The following DLG2 variants were observed in gnomAD, a reference collection of about 807,000 sequenced individuals.
DLG2 encodes the protein discs large MAGUK scaffold protein 2, also known as disks large homolog 2.
A neutral mutation model predicts 132.5 loss-of-function variants in DLG2; 45 were observed. The observed-to-expected ratio is 0.34, with a 90% CI of 0.27 to 0.44. The LOEUF (loss-of-function observed/expected upper bound fraction) is 0.44, where lower values mean the gene tolerates loss of function less well. DLG2 is among the 20% of genes least tolerant of loss of function. The probability of loss-of-function intolerance (pLI) is 1.00; values close to 1 mark genes in which losing one functional copy is unlikely to be tolerated. For missense variants in DLG2, 1,045 were observed against 1,196.9 expected (o/e 0.87, Z 1.87); for synonymous variants, 424 against 419.6 (o/e 1.01, Z -0.13).
At chr11:84,442,126 T>A (rs907235442) in intron 7 of DLG2, among the ~76,000 whole-genome samples, 23 of 152,198 alleles carry the variant, frequency 1.5e-4, no homozygotes, top group Non-Finnish European at 2.2e-4. Context: ...TATATGAAAT[T>A]TAAAGTAGTT....
At chr11:83,709,965 G>A (rs1461304619) in intron 18 of DLG2, among the ~76,000 whole-genome samples, 1 of 152,120 alleles carries the variant, frequency 6.6e-6, no homozygotes, top group African/African-American at 2.4e-5. Flanking sequence ...CACTGGATAG[G>A]TGTGTCTCAC....
intron 19 of DLG2, among the ~76,000 whole-genome samples, chr11:83,624,274 G>C (rs1430426927): frequency 6.6e-6 from 1 of 152,168 alleles, no homozygotes; most frequent in Non-Finnish European, 1.5e-5. Context: ...CAATGGAAGA[G>C]TCACTTATGA....
At chr11:85,475,889 G>C (rs1482487379) in intron 3 of DLG2, among the ~76,000 whole-genome samples, 1 of 152,006 alleles carries the variant, frequency 6.6e-6, no homozygotes, top group Admixed American at 6.5e-5. Context: ...TCTTTCTCAA[G>C]TCCCAGTTGC....
intron 8 of DLG2, among the ~76,000 whole-genome samples, chr11:84,247,072 T>C (rs1598315159): frequency 6.6e-6 from 1 of 152,132 alleles, no homozygotes; most frequent in Non-Finnish European, 1.5e-5. Flanking sequence ...CTCTCAACAG[T>C]GCATTTCTAT....
chr11:84,364,753 C>T (rs1315975385), intron 7 of DLG2, among the ~76,000 whole-genome samples: 1 of 152,130 alleles, frequency 6.6e-6, no homozygotes, highest in East Asian at 1.9e-4. Context: ...GCCTTTTCTG[C>T]ATCTATTGAG....
chr11:84,044,993 G>A (rs1398509152), intron 11 of DLG2, among the ~76,000 whole-genome samples: 1 of 151,638 alleles, frequency 6.6e-6, no homozygotes, highest in Non-Finnish European at 1.5e-5. Context: ...TGTCACTGTA[G>A]GCAAAATTTT....
chr11:85,579,639 G>C lies in DLG2; in HGVS notation c.40+19018C>G, dbSNP rs79029464. ...TGAAGGACACAAAAGCATGATATGG[G>C]GTAGCTTCAGGAGAAAATAGGAGAT... is the stretch of plus-strand genomic sequence containing the variant. On this transcript the variant is annotated intron_variant, in intron 3 of 27. Transcript: ENST00000376104. Among the ~76,000 whole-genome samples, 241 of 152,216 alleles carry C rather than the reference G, an allele frequency of 1.6e-3. 3 individuals are homozygous for C. The East Asian group carries it at 0.039, about 25-fold the overall frequency.
At chr11:83,520,604 AAGAC>A (rs754537016) in intron 21 of DLG2, among the ~76,000 whole-genome samples, 36 of 143,874 alleles carry the variant, frequency 2.5e-4, no homozygotes, top group East Asian at 4.2e-4. Context: ...GATAGATAGA[AAGAC>A]AGACAGACAG....
chr11:85,224,653 T>C (rs920541491), intron 4 of DLG2, among the ~76,000 whole-genome samples: 2 of 152,232 alleles, frequency 1.3e-5, no homozygotes, highest in Non-Finnish European at 2.9e-5. Flanking sequence ...GGGTTATGAA[T>C]GATTTATATT....
chr11:85,516,245 G>A (rs1242041569), intron 3 of DLG2, among the ~76,000 whole-genome samples: 1 of 151,794 alleles, frequency 6.6e-6, no homozygotes, highest in Non-Finnish European at 1.5e-5. Flanking sequence ...AAAAACTTTT[G>A]GAAATGAATA....
At chr11:84,124,588 C>T (rs2094078232) in intron 9 of DLG2, among the ~76,000 whole-genome samples, 2 of 152,180 alleles carry the variant, frequency 1.3e-5, no homozygotes, top group African/African-American at 4.8e-5. Flanking sequence ...AAGGATCTCT[C>T]TCCTTCCCAT....
chr11:83,784,500 A>T (rs1397410914), intron 18 of DLG2, among the ~76,000 whole-genome samples: 1 of 152,170 alleles, frequency 6.6e-6, no homozygotes, highest in Non-Finnish European at 1.5e-5. Context: ...CTGTGAATCC[A>T]ATCTGTACTT....
intron 15 of DLG2, among the ~76,000 whole-genome samples, chr11:83,881,249 G>A (rs772252482): frequency 5.3e-5 from 8 of 152,046 alleles, no homozygotes; most frequent in Non-Finnish European, 1.0e-4. Flanking sequence ...GAATTTTATT[G>A]CTAAGCTTAG....
At chr11:84,313,685 G>GAAAGAAAGAAAGAA (rs2098325562) in intron 7 of DLG2, among the ~76,000 whole-genome samples, 1 of 145,364 alleles carries the variant, frequency 6.9e-6, no homozygotes, top group Non-Finnish European at 1.5e-5. Context: ...AAGAAAGAAA[G>GAAAGAAAGAAAGAA]AAAAAGAAAG....
chr11:84,405,148 A>T (rs545529467), intron 7 of DLG2, among the ~76,000 whole-genome samples: 10 of 152,344 alleles, frequency 6.6e-5, no homozygotes, highest in African/African-American at 2.4e-4. Context: ...GGAAAAAAGA[A>T]ACAATTGTTT....
At position 84,005,904 on chromosome 11, in the gene DLG2, T is replaced by C. The variant is rs538527420; in HGVS notation, c.920-25262A>G. ...AAAATAGTGCAGCCATTTGCCACTA[T>C]GGACAATAGTATGGTGATTTCTCAA... On this transcript the variant is annotated intron_variant, in intron 11 of 27. Coordinates refer to ENST00000376104, the MANE Select transcript of DLG2 (RefSeq NM_001142699.3). 2.0e-5 allele frequency among the ~76,000 whole-genome samples: 3 copies of C among 151,974 alleles called. No individual in the cohort carries two copies. The East Asian group carries it at 5.8e-4, about 29-fold the overall frequency.
intron 11 of DLG2, among the ~76,000 whole-genome samples, chr11:83,989,185 T>C (rs76760016): frequency 0.035 from 5,369 of 152,188 alleles, 120 homozygotes; most frequent in Non-Finnish European, 0.054. Context: ...AGTAACTGTA[T>C]AAGGCATCAC....
rs988846097 is a variant in DLG2, at chr11:84,997,015, G to T, written c.357+114646C>A. ...TGGTCATGCAGTAGTGCTGAGAAGGGGTAGTGAGAGTAGTAAAACAACCCT... is the reference window on the plus strand; with the variant it reads ...TGGTCATGCAGTAGTGCTGAGAAGGTGTAGTGAGAGTAGTAAAACAACCCT... On this transcript the variant is annotated intron_variant, in intron 6 of 27. Transcript: ENST00000376104. Among the ~76,000 whole-genome samples, 6 of 152,102 alleles carry T rather than the reference G, an allele frequency of 3.9e-5. No individual in the cohort carries two copies. The South Asian group carries it at 1.2e-3, about 31-fold the overall frequency.
At chr11:85,262,686 T>C (rs759440176) in intron 4 of DLG2, among the ~76,000 whole-genome samples, 2 of 152,192 alleles carry the variant, frequency 1.3e-5, no homozygotes, top group Non-Finnish European at 2.9e-5. Context: ...CACTTACACA[T>C]AGACATATAG....
Sources: allele counts gnomAD v4.1 joint callset (sites outside exome capture counted in the v4.1 genomes callset), GRCh38; gene constraint gnomAD v4.1.1; transcripts MANE v1.5; gene names NCBI Gene and HGNC (gene_info 2026-07-23, HGNC 2026-07-21).